The following ANKH variants were observed in gnomAD, a reference collection of about 807,000 sequenced individuals.
The protein encoded by ANKH is ANKH inorganic pyrophosphate transport regulator.
A neutral mutation model predicts 49.0 loss-of-function variants in ANKH; 15 were observed. That is an observed-to-expected ratio of 0.31 (90% CI 0.20 to 0.47). The LOEUF (loss-of-function observed/expected upper bound fraction) is 0.47. Among genes scored for constraint, ANKH ranks in the 20% least tolerant of loss-of-function variants. ANKH has a pLI of 1.00. For synonymous variants in ANKH, 273 were observed against 260.0 expected (o/e 1.05, Z -0.48); for missense variants, 429 against 652.0 (o/e 0.66, Z 3.72).
chr5:14,787,238 TGG>T (rs922202247), intron 1 of ANKH, among the ~76,000 whole-genome samples: 6 of 151,840 alleles, frequency 4.0e-5, no homozygotes, highest in African/African-American at 1.5e-4. Context: ...TGCTTGAACC[TGG>T]GAGGTGGAGG....
chr5:14,709,899 A>G lies in ANKH; in HGVS notation c.*1298T>C, dbSNP rs1345398214. ...ATAAATTACATAACATATACAGCAT[A>G]TATTTATATCTTTAAAATATTTTTT... On this transcript the variant is annotated 3_prime_UTR_variant, in exon 12 of 12. Coordinates refer to ENST00000284268, the MANE Select transcript of ANKH (RefSeq NM_054027.6). 3.3e-5 allele frequency: 5 copies of G among 152,616 alleles called. No homozygotes were observed. The East Asian group carries it at 9.6e-4, about 29-fold the overall frequency. The allele number at this position is 152,616 out of a possible 1,614,324, so 9.5% of individuals were successfully genotyped here.
intron 8 of ANKH, among the ~76,000 whole-genome samples, chr5:14,730,708 T>C (rs1273761123): frequency 6.6e-6 from 1 of 152,204 alleles, no homozygotes; most frequent in Non-Finnish European, 1.5e-5. Flanking sequence ...CCCAGCGTAC[T>C]TGCCAGCAAG....
chr5:14,852,875 A>C (rs1309332539), intron 1 of ANKH, among the ~76,000 whole-genome samples: 1 of 152,122 alleles, frequency 6.6e-6, no homozygotes, highest in Non-Finnish European at 1.5e-5. Context: ...ATCCTGCAGA[A>C]GATCTAGCCT....
intron 1 of ANKH, among the ~76,000 whole-genome samples, chr5:14,843,549 G>GAAAAAAAAAAA (rs60487783): frequency 1.1e-4 from 7 of 61,006 alleles, no homozygotes; most frequent in East Asian, 5.7e-4. Flanking sequence ...GGGGATTAGC[G>GAAAAAAAAAAA]AAAAAAAAAA....
intron 1 of ANKH, among the ~76,000 whole-genome samples, chr5:14,842,632 A>G (rs1241329180): frequency 6.6e-6 from 1 of 152,198 alleles, no homozygotes; most frequent in East Asian, 1.9e-4. Flanking sequence ...CAGAGTATCA[A>G]AGCCCTTAGT....
intron 7 of ANKH, 114 bp from the exon 8 acceptor site, chr5:14,742,036 G>A: frequency 1.2e-6 from 1 of 817,160 alleles, no homozygotes. Context: ...TGAATTAGAG[G>A]TTTCAAGTGA....
At chr5:14,750,181 G>A in intron 5 of ANKH, among the ~76,000 whole-genome samples, 1 of 152,240 alleles carries the variant, frequency 6.6e-6, no homozygotes. Context: ...GGATCAGGGT[G>A]AGGTGAGGGG....
chr5:14,751,629 T>G (rs937549278), intron 4 of ANKH, among the ~76,000 whole-genome samples: 1 of 152,202 alleles, frequency 6.6e-6, no homozygotes, highest in Non-Finnish European at 1.5e-5. Context: ...ACTGCATGTG[T>G]GCACCAAACC....
At chr5:14,746,369 C>T (rs945424516) in intron 6 of ANKH, among the ~76,000 whole-genome samples, 1 of 151,612 alleles carries the variant, frequency 6.6e-6, no homozygotes, top group Non-Finnish European at 1.5e-5. Context: ...TCAGTCTCCC[C>T]GAGCATTGGG....
chr5:14,795,195 T>C (rs1740334771), intron 1 of ANKH, among the ~76,000 whole-genome samples: 1 of 152,172 alleles, frequency 6.6e-6, no homozygotes, highest in African/African-American at 2.4e-5. Flanking sequence ...CAAAATCCAG[T>C]TGCTGACTTG....
chr5:14,838,897 G>A (rs955016654), intron 1 of ANKH, among the ~76,000 whole-genome samples: 1 of 152,114 alleles, frequency 6.6e-6, no homozygotes, highest in Non-Finnish European at 1.5e-5. Context: ...GCGTATGTTG[G>A]CCAAGGAACC....
intron 1 of ANKH, among the ~76,000 whole-genome samples, chr5:14,787,838 A>G (rs1453155088): frequency 2.6e-5 from 4 of 152,146 alleles, no homozygotes; most frequent in Non-Finnish European, 5.9e-5. Context: ...ACAAGGCTAC[A>G]TACTAGGAGT....
chr5:14,791,252 G>A (rs1740156483), intron 1 of ANKH, among the ~76,000 whole-genome samples: 1 of 152,108 alleles, frequency 6.6e-6, no homozygotes. Context: ...CTTAACTCTG[G>A]GGTGGGCGCA....
At position 14,758,581 on chromosome 5, in the gene ANKH, A is replaced by T. The variant is rs1738978200; in HGVS notation, c.331T>A (p.Tyr111Asn). 1 of 1,612,464 alleles carries T rather than the reference A, an allele frequency of 6.2e-7. No homozygotes were observed. The change falls in exon 3 of 12, where the codon TAC becomes AAC. Residue 111 changes from tyrosine (Y) to asparagine (N), a missense_variant. By Grantham distance (143) the Tyr-to-Asn change is moderately radical. Transcript: ENST00000284268. ...HTLIAYSDLG[Y>N]YIINKLHHVD... ...TGGTGCAGTTTATTGATAATGTAGT[A>T]TCCTAAATCACTATAAGCTGCAAAG... is the stretch of plus-strand genomic sequence containing the variant.
At position 14,862,805 on chromosome 5, in the gene ANKH, C is replaced by T. The variant is rs368483435; in HGVS notation, c.96+8547G>A. 4.6e-5 allele frequency among the ~76,000 whole-genome samples: 7 copies of T among 152,328 alleles called. No individual in the cohort carries two copies. The South Asian group carries it at 1.4e-3, about 32-fold the overall frequency. On this transcript the variant is annotated intron_variant, in intron 1 of 11. Transcript: ENST00000284268. ...AGGGCAGGGGCTGGCTCGAATACAGCCATGCTTCCTTGACTTTTCAAAAAT... is the reference window on the plus strand; with the variant it reads ...AGGGCAGGGGCTGGCTCGAATACAGTCATGCTTCCTTGACTTTTCAAAAAT...
chr5:14,800,410 C>G (rs1407533556), intron 1 of ANKH, among the ~76,000 whole-genome samples: 1 of 152,198 alleles, frequency 6.6e-6, no homozygotes, highest in South Asian at 2.1e-4. Flanking sequence ...TATCAAACAG[C>G]ATTTCATGCT....
At chr5:14,859,175 C>T (rs990509328) in intron 1 of ANKH, among the ~76,000 whole-genome samples, 2 of 152,174 alleles carry the variant, frequency 1.3e-5, no homozygotes, top group African/African-American at 4.8e-5. Context: ...CCCTATTCTC[C>T]TCTCCCCTGG....
intron 9 of ANKH, among the ~76,000 whole-genome samples, chr5:14,714,252 C>T (rs1173993294): frequency 6.6e-6 from 1 of 152,214 alleles, no homozygotes; most frequent in African/African-American, 2.4e-5. Context: ...GGTGTGCTGC[C>T]ATTTCACCAA....
chr5:14,805,262 A>G (rs371462241), intron 1 of ANKH, among the ~76,000 whole-genome samples: 1 of 151,720 alleles, frequency 6.6e-6, no homozygotes, highest in African/African-American at 2.4e-5. Context: ...ATCAGACTCC[A>G]AGTTCTTCAG....
Sources: gnomAD v4.1 joint callset for allele counts (sites outside exome capture counted in the v4.1 genomes callset) on GRCh38, gnomAD v4.1.1 for gene constraint, MANE v1.5 for transcripts, NCBI Gene and HGNC (gene_info 2026-07-23, HGNC 2026-07-21) for gene names.